Variants in PTPN3 observed in about 807,000 individuals in gnomAD.
PTPN3 encodes the protein protein tyrosine phosphatase non-receptor type 3.
A neutral mutation model predicts 132.7 loss-of-function variants in PTPN3; 96 were observed. The observed-to-expected ratio is 0.72, with a 90% CI of 0.61 to 0.86. PTPN3 has a LOEUF of 0.86. Ranked by LOEUF, PTPN3 falls within the 40% of genes least tolerant of loss-of-function variation. The probability of loss-of-function intolerance (pLI) is 0.00; values close to 1 mark genes in which losing one functional copy is unlikely to be tolerated. For synonymous variants in PTPN3, 398 were observed against 429.0 expected, an observed-to-expected ratio of 0.93 and a Z score of 0.89; for missense variants, 1,125 against 1,159.6, an observed-to-expected ratio of 0.97 and a Z score of 0.43.
Position 109,485,286 on chromosome 9 carries a change from T to C in PTPN3, c.-18+12933A>G, listed in dbSNP as rs959238537. On this transcript the variant is annotated intron_variant, in intron 1 of 25. Transcript: ENST00000374541. ...ACTTTGGGAGGCCGAGGCGGGTGGA[T>C]CACGAGGTCAGGAGATCGAGACCAT... Among the ~76,000 whole-genome samples, 7 of 152,118 alleles carry C rather than the reference T, an allele frequency of 4.6e-5. No homozygotes were observed. The South Asian group carries it at 1.2e-3, about 27-fold the overall frequency.
chr9:109,520,159 A>AG, the PTPN3 span, among the ~76,000 whole-genome samples: 2 of 41,194 alleles, frequency 4.9e-5, no homozygotes, highest in Admixed American at 5.5e-4. Context: ...AGTCTGTCTC[A>AG]AAAAAAAAAA....
At position 109,391,970 on chromosome 9, in the gene PTPN3, T is replaced by C. The variant is rs1840160221; in HGVS notation, c.1954-409A>G. Among the ~76,000 whole-genome samples, 3 of 151,728 alleles carry C rather than the reference T, an allele frequency of 2.0e-5. No individual in the cohort carries two copies. The South Asian group carries it at 6.3e-4, about 32-fold the overall frequency. ...AGTTCAATGTAGTGAACCACACCCT[T>C]CCTTTAAGAACGAGAGCATTTCATT... On this transcript the variant is annotated intron_variant, in intron 19 of 25. Transcript: ENST00000374541.
Position 109,379,036 on chromosome 9 carries a change from C to T in PTPN3, c.*520G>A, listed in dbSNP as rs2131569641. On this transcript the variant is annotated 3_prime_UTR_variant, in exon 26 of 26. Transcript: ENST00000374541. ...TGTTGCTCAGCCTTCAGCCTGACCCCCAGTGCCCTGCCATCTAGTACATAC... is the reference window on the plus strand; with the variant it reads ...TGTTGCTCAGCCTTCAGCCTGACCCTCAGTGCCCTGCCATCTAGTACATAC... 6.5e-6 allele frequency: 1 copy of T among 152,788 alleles called. No individual in the cohort carries two copies. The highest frequency in any genetic ancestry group is 6.5e-5 in the Admixed American group (1 of 15,328). 9.5% of individuals were successfully genotyped at this position (152,788 alleles called of 1,614,324 possible). A position where few individuals can be genotyped will look rare whatever the true frequency, so the allele number is the denominator to read the frequency against.
At chr9:109,381,412 C>G (rs988669960) in intron 25 of PTPN3, among the ~76,000 whole-genome samples, 12 of 152,180 alleles carry the variant, frequency 7.9e-5, no homozygotes, top group African/African-American at 2.7e-4. Flanking sequence ...TTCAACGATA[C>G]AGAATGCAAC....
chr9:109,428,648 C>A lies in PTPN3; in HGVS notation c.801G>T (p.Lys267Asn), dbSNP rs1185598358. 1.9e-6 allele frequency: 3 copies of A among 1,613,672 alleles called. No homozygotes were observed. The highest frequency in any genetic ancestry group is 8.5e-7 in the Non-Finnish European group (1 of 1,179,870). ...GTTTCTGTCGCTGATGTATGAAGAACTTTTTCCTTTTGAAAGAAATTTTGA... is the reference window on the plus strand; with the variant it reads ...GTTTCTGTCGCTGATGTATGAAGAAATTTTTCCTTTTGAAAGAAATTTTGA... ...NILKISFKRK[K>N]FFIHQRQKQA... is the part of the protein sequence containing the mutation. The change falls in exon 11 of 26, where the codon AAG becomes AAT. Residue 267 changes from lysine to asparagine, a missense_variant. By Grantham distance (94) the Lys-to-Asn change is moderately conservative (BLOSUM62 0). Transcript: ENST00000374541.
intron 19 of PTPN3, among the ~76,000 whole-genome samples, chr9:109,403,171 ACTG>A (rs1841292649): frequency 6.6e-6 from 1 of 152,192 alleles, no homozygotes; most frequent in South Asian, 2.1e-4. Flanking sequence ...TTTGCTTTCT[ACTG>A]CTGTTCAATG....
At chr9:109,437,439 T>G (rs1258807079) in intron 8 of PTPN3, among the ~76,000 whole-genome samples, 1 of 152,234 alleles carries the variant, frequency 6.6e-6, no homozygotes, top group East Asian at 1.9e-4. Context: ...GAAAGGACAC[T>G]TGGTTGCCTG....
At chr9:109,407,537 CAAT>C (rs1015331365) in intron 17 of PTPN3, among the ~76,000 whole-genome samples, 18 of 152,190 alleles carry the variant, frequency 1.2e-4, no homozygotes, top group African/African-American at 3.9e-4. Context: ...ATTTTAAAAA[CAAT>C]AAAATAAATT....
At position 109,415,055 on chromosome 9, in the gene PTPN3, C is replaced by CGTCCGTCCGTCCATCT. The variant is rs1479397872; in HGVS notation, c.1314-4641_1314-4640insAGATGGACGGACGGAC. On this transcript the variant is annotated intron_variant, in intron 14 of 25. Coordinates refer to ENST00000374541, the MANE Select transcript of PTPN3 (RefSeq NM_002829.4). ...CTGTCCGTCCGTCCGTCCGTCCATCCGTCCATCCGTCCGTCCATCCAACCA... is the reference window on the plus strand; with the variant it reads ...CTGTCCGTCCGTCCGTCCGTCCATCCGTCCGTCCGTCCATCTGTCCATCCGTCCGTCCATCCAACCA... Among the ~76,000 whole-genome samples the CGTCCGTCCGTCCATCT allele has an allele frequency of 5.9e-5, 8 of 135,148 alleles. No individual in the cohort carries two copies. In the East Asian group the frequency reaches 1.6e-3, roughly 27 times the overall value. 88.7% of individuals were successfully genotyped at this position (135,148 alleles called of 152,430 possible). A position where few individuals can be genotyped will look rare whatever the true frequency, so the allele number is the denominator to read the frequency against.
the PTPN3 span, among the ~76,000 whole-genome samples, chr9:109,534,840 T>A: frequency 2.2e-5 from 3 of 136,960 alleles, no homozygotes; most frequent in African/African-American, 8.2e-5. Flanking sequence ...ACAAACAAAG[T>A]TAGTGTGCAG....
At chr9:109,431,614 T>C (rs1036347173) in intron 10 of PTPN3, among the ~76,000 whole-genome samples, 2 of 152,252 alleles carry the variant, frequency 1.3e-5, no homozygotes, top group Non-Finnish European at 2.9e-5. Context: ...GTTACACTGA[T>C]TTCAGTGTCA....
the PTPN3 span, among the ~76,000 whole-genome samples, chr9:109,523,134 T>C: frequency 6.6e-6 from 1 of 151,222 alleles, no homozygotes; most frequent in East Asian, 1.9e-4. Context: ...TTTTTTTTAA[T>C]GAGATGGAGT....
chr9:109,386,278 T>A (rs1341878150), intron 22 of PTPN3, among the ~76,000 whole-genome samples: 2 of 152,138 alleles, frequency 1.3e-5, no homozygotes, highest in Admixed American at 1.3e-4. Flanking sequence ...TAACGATGGA[T>A]AACATGCCAA....
chr9:109,428,857 A>G (rs1843465899), intron 10 of PTPN3, 173 bp from the exon 11 acceptor site: 7 of 985,408 alleles, frequency 7.1e-6, no homozygotes, highest in Non-Finnish European at 8.4e-6. Flanking sequence ...GCAGGCTAAT[A>G]CCAAGTAGCT....
chr9:109,399,851 C>T (rs1311317602), intron 19 of PTPN3, among the ~76,000 whole-genome samples: 1 of 152,058 alleles, frequency 6.6e-6, no homozygotes, highest in Non-Finnish European at 1.5e-5. Flanking sequence ...AGCCAGGACG[C>T]CCACCTGCCA....
At chr9:109,429,800 A>G (rs944503491) in intron 10 of PTPN3, among the ~76,000 whole-genome samples, 8 of 152,184 alleles carry the variant, frequency 5.3e-5, no homozygotes, top group African/African-American at 1.9e-4. Context: ...TCTGTAATCC[A>G]TACAAAGGGT....
chr9:109,473,543 C>A (rs1000236433), intron 1 of PTPN3, among the ~76,000 whole-genome samples: 1 of 152,098 alleles, frequency 6.6e-6, no homozygotes, highest in South Asian at 2.1e-4. Flanking sequence ...AAGAATGCTG[C>A]GGGAGCCGCG....
the PTPN3 span, among the ~76,000 whole-genome samples, chr9:109,527,718 C>T: frequency 2.0e-5 from 3 of 152,094 alleles, no homozygotes; most frequent in African/African-American, 7.2e-5. Flanking sequence ...ATGAAAGTAT[C>T]ATATGTACCC....
intron 14 of PTPN3, among the ~76,000 whole-genome samples, 180 bp downstream of exon 14, chr9:109,420,244 A>G (rs1842795652): frequency 6.6e-6 from 1 of 152,150 alleles, no homozygotes; most frequent in African/African-American, 2.4e-5. Context: ...AGGCACATAG[A>G]CCGTCTTCCG....
Sources: gnomAD v4.1 joint callset for allele counts (sites outside exome capture counted in the v4.1 genomes callset) on GRCh38, gnomAD v4.1.1 for gene constraint, MANE v1.5 for transcripts, NCBI Gene and HGNC (gene_info 2026-07-23, HGNC 2026-07-21) for gene names.